The following BRD3 variants were observed in gnomAD, a reference collection of about 807,000 sequenced individuals.
BRD3 encodes bromodomain-containing protein 3.
A neutral mutation model predicts 66.8 loss-of-function variants in BRD3; 17 were observed. The ratio of observed to expected loss-of-function variants is 0.25; its 90% confidence interval spans 0.17 to 0.38. The LOEUF is 0.38. Ranked by LOEUF, BRD3 falls within the 10% of genes least tolerant of loss-of-function variation. The pLI, the probability that BRD3 is intolerant of heterozygous loss-of-function variation, is 1.00. For missense variants in BRD3, 713 were observed against 956.1 expected (o/e 0.75, Z 3.35); for synonymous variants, 421 against 393.2 (o/e 1.07, Z -0.84).
intron 11 of BRD3, 61 bp downstream of exon 11, chr9:134,034,640 C>A (rs1843569887): frequency 1.9e-6 from 3 of 1,592,480 alleles, no homozygotes; most frequent in Non-Finnish European, 1.7e-6. Flanking sequence ...ATGCTCAAAC[C>A]CCTACTGCTG....
At chr9:134,066,643 T>C (rs1830663711) in intron 1 of BRD3, among the ~76,000 whole-genome samples, 1 of 152,052 alleles carries the variant, frequency 6.6e-6, no homozygotes, top group East Asian at 1.9e-4. Context: ...AAAACTCTTT[T>C]CCTCTTCTGT....
At position 134,044,199 on chromosome 9, in the gene BRD3, G is replaced by A. The variant is rs555200625; in HGVS notation, c.1215+1094C>T. On this transcript the variant is annotated intron_variant, in intron 7 of 11. Coordinates refer to ENST00000303407, the MANE Select transcript of BRD3 (RefSeq NM_007371.4). ...TCCTCTGGATGTAGTGGGACCTCCA[G>A]GACCACCCTGCCATCATCACCCACA... is the stretch of plus-strand genomic sequence containing the variant. Among the ~76,000 whole-genome samples, 56 of 152,306 alleles carry A rather than the reference G, an allele frequency of 3.7e-4. 1 individual carries two copies. The highest frequency in any genetic ancestry group is 1.8e-4 in the Non-Finnish European group (12 of 68,030).
intron 1 of BRD3, among the ~76,000 whole-genome samples, chr9:134,055,255 C>G (rs532577477): frequency 3.9e-5 from 6 of 152,342 alleles, no homozygotes; most frequent in South Asian, 2.1e-4. Context: ...AAAACCAAGT[C>G]GGATCAAGTC....
intron 9 of BRD3, among the ~76,000 whole-genome samples, chr9:134,037,015 AAAAG>A (rs1829936872): frequency 6.6e-6 from 1 of 152,140 alleles, no homozygotes; most frequent in Non-Finnish European, 1.5e-5. Context: ...TGCCTCAAGA[AAAAG>A]AAAAAAAGAA....
intron 9 of BRD3, among the ~76,000 whole-genome samples, chr9:134,036,821 C>A (rs571401932): frequency 6.0e-4 from 91 of 151,944 alleles, no homozygotes; most frequent in Non-Finnish European, 8.4e-4. Context: ...ATCCTGGCTA[C>A]CACGGTGAAA....
rs765365622 is a variant in BRD3 at position 134,034,803 on chromosome 9, T to C, written c.1963A>G (p.Lys655Glu). 1 of 1,612,400 alleles carries C rather than the reference T, an allele frequency of 6.2e-7. No individual in the cohort carries two copies. The highest frequency in any genetic ancestry group is 8.5e-7 in the Non-Finnish European group (1 of 1,180,006). The change falls in exon 11 of 12, where the codon AAG (lysine) becomes GAG (glutamate). Residue 655 changes from lysine (K) to glutamate (E), a missense_variant. By Grantham distance (56) the Lys-to-Glu change is moderately conservative. This residue lies in a region of BRD3 where 418 missense variants were observed against 609.3 expected (regional missense o/e 0.69). Transcript: ENST00000303407. ...FSASGKKQAA[K>E]SKEELAQEKK... The stretch of plus-strand genomic sequence containing the variant: ...TCCTGAGCTAGCTCCTCTTTCGACT[T>C]GGCTGCCTGTTTCTTCCCGCTTGCT...
chr9:134,033,302 C>T lies in BRD3; in HGVS notation c.*288G>A, dbSNP rs566397754. On this transcript the variant is annotated 3_prime_UTR_variant, in exon 12 of 12. Coordinates refer to ENST00000303407, the MANE Select transcript of BRD3 (RefSeq NM_007371.4). The surrounding 1 kb of genome is among the most constrained non-coding windows in gnomAD (Gnocchi z 5.1). ...AAGGTTCTTCGGTACGAATCTCACA[C>T]GGTTTTCTGGGGTCATCGGGTTAGC... 4.0e-5 allele frequency: 17 copies of T among 429,084 alleles called. No individual in the cohort carries two copies. The highest frequency in any genetic ancestry group is 5.9e-4 in the Middle Eastern group (1 of 1,692). 26.6% of individuals were successfully genotyped at this position (429,084 alleles called of 1,614,324 possible). A position where few individuals can be genotyped will look rare whatever the true frequency, so the allele number is the denominator to read the frequency against.
chr9:134,048,573 G>GC, intron 5 of BRD3, 119 bp from the exon 6 acceptor site: 1 of 1,462,486 alleles, frequency 6.8e-7, no homozygotes, highest in Non-Finnish European at 9.3e-7. Context: ...GCGGCCACAT[G>GC]CACGGCCCCA....
chr9:134,056,735 C>T (rs1830434559), intron 1 of BRD3: 1 of 152,324 alleles, frequency 6.6e-6, no homozygotes, highest in Non-Finnish European at 1.5e-5. Context: ...GGGGTGACCC[C>T]TCCCTGTGGG....
At chr9:134,067,744 C>T (rs1315915668) in intron 1 of BRD3, among the ~76,000 whole-genome samples, 1 of 144,678 alleles carries the variant, frequency 6.9e-6, no homozygotes, top group Non-Finnish European at 1.5e-5. Flanking sequence ...GCCGCGACCC[C>T]GGGCGGCCGC....
At chr9:134,049,980 G>T (rs1830254885) in intron 5 of BRD3, among the ~76,000 whole-genome samples, 1 of 152,172 alleles carries the variant, frequency 6.6e-6, no homozygotes, top group Non-Finnish European at 1.5e-5. Context: ...GGCCAGCTTG[G>T]GTGCTGGCAC....
At chr9:134,034,591 C>T (rs552853975) in intron 11 of BRD3, 110 bp downstream of exon 11, 1 of 1,434,312 alleles carries the variant, frequency 7.0e-7, no homozygotes, top group African/African-American at 1.4e-5. Flanking sequence ...ACATGGAGCT[C>T]ATCAGGAGGT....
In BRD3 at chr9:134,041,892, C is replaced by T; in HGVS notation, c.1275G>A (p.Leu425=). Residue 425 remains leucine, a synonymous_variant, in exon 8 of 12, where the codon CTG becomes CTA. Transcript: ENST00000303407. ...TCACCATGGGGGCCGCGGGGGCAGG[C>T]AGCGCCGGTGCCTCCACGGGCTCAT... ...MPDEPVEAPA[L]PAPAAPMVSK... 1 of 1,610,742 alleles carries T rather than the reference C, an allele frequency of 6.2e-7. No homozygotes were observed. Among genetic ancestry groups the T allele is most frequent in the Non-Finnish European group, 8.5e-7 (1 of 1,178,424 alleles).
intron 5 of BRD3, among the ~76,000 whole-genome samples, chr9:134,049,530 G>T (rs1830247491): frequency 6.6e-6 from 1 of 152,248 alleles, no homozygotes; most frequent in African/African-American, 2.4e-5. Context: ...GGGCGGATAG[G>T]AGCGGGGACA....
chr9:134,044,749 C>T (rs1305082817), intron 7 of BRD3, among the ~76,000 whole-genome samples: 3 of 152,198 alleles, frequency 2.0e-5, no homozygotes, highest in African/African-American at 7.2e-5. Flanking sequence ...TGTGCATGTT[C>T]ACAAAGTCCC....
At position 134,050,468 on chromosome 9, in the gene BRD3, T is replaced by A; in HGVS notation, c.620A>T (p.Asn207Ile). 6.2e-7 allele frequency: 1 copy of A among 1,611,698 alleles called. No homozygotes were observed. Among genetic ancestry groups the A allele is most frequent in the Non-Finnish European group, 8.5e-7 (1 of 1,179,258 alleles). ...AATPVPTITANVTSVPVPPAA... is the reference protein window; with the variant it reads ...AATPVPTITAIVTSVPVPPAA... ...TGGGGGGACTGGGACCGACGTGACG[T>A]TTGCAGTGATGGTTGGTACAGGGGT... Residue 207 changes from asparagine (N) to isoleucine (I), a missense_variant, in exon 5 of 12, where the codon AAC becomes ATC. Transcript: ENST00000303407.
intron 1 of BRD3, chr9:134,054,634 A>T (rs879902269): frequency 1.3e-5 from 2 of 152,336 alleles, no homozygotes; most frequent in Non-Finnish European, 2.9e-5. Flanking sequence ...CTCGGAGCAC[A>T]GGCAGCAGCT....
upstream of BRD3, chr9:134,068,037 G>A (rs1401295741): frequency 1.4e-5 from 2 of 144,600 alleles, no homozygotes; most frequent in Middle Eastern, 3.8e-3. Context: ...AGACGCGCCG[G>A]AGCCGAGCAG....
At position 134,036,012 on chromosome 9, in the gene BRD3, G is replaced by A. The variant is rs75750280; in HGVS notation, c.1936+20C>T. ...AGGGGAGAGGAACTTCAAGCACCAC[G>A]CTCCACGCAGGCAACTTACAGAACG... On this transcript the variant is annotated intron_variant, in intron 10 of 11. Transcript: ENST00000303407. 4,740 of 1,572,194 alleles carry A rather than the reference G, an allele frequency of 3.0e-3. 125 individuals are homozygous for A. The African/African-American group carries it at 0.054, about 18-fold the overall frequency.
Sources: allele counts gnomAD v4.1 joint callset (sites outside exome capture counted in the v4.1 genomes callset), GRCh38; gene constraint gnomAD v4.1.1; regional missense constraint gnomAD v4.1.1; non-coding constraint Gnocchi (gnomAD v3.1); transcripts MANE v1.5; gene names NCBI Gene and HGNC (gene_info 2026-07-23, HGNC 2026-07-21).